Variants in NRXN1 observed in about 807,000 individuals in gnomAD.
The protein encoded by NRXN1 is neurexin 1.
A neutral mutation model predicts 150.9 loss-of-function variants in NRXN1; 39 were observed. The observed-to-expected ratio is 0.26, with a 90% CI of 0.20 to 0.34. The LOEUF is 0.34. Ranked by LOEUF, NRXN1 falls within the 10% of genes least tolerant of loss-of-function variation. The probability of loss-of-function intolerance (pLI) is 1.00; values close to 1 mark genes in which losing one functional copy is unlikely to be tolerated. For synonymous variants in NRXN1, 924 were observed against 757.0 expected (o/e 1.22, Z -3.62); for missense variants, 1,815 against 1,949.9 (o/e 0.93, Z 1.30).
At chr2:50,746,968 C>T (rs1700097610) in intron 5 of NRXN1, among the ~76,000 whole-genome samples, 1 of 152,074 alleles carries the variant, frequency 6.6e-6, no homozygotes, top group African/African-American at 2.4e-5. Flanking sequence ...TTCAATGTGT[C>T]TGAAGACTGC....
At chr2:49,944,002 C>T (rs550343981) in intron 21 of NRXN1, among the ~76,000 whole-genome samples, 21 of 152,180 alleles carry the variant, frequency 1.4e-4, no homozygotes, top group Non-Finnish European at 1.8e-4. Flanking sequence ...TACATGAGGA[C>T]GCAGAAATGG....
intron 2 of NRXN1, among the ~76,000 whole-genome samples, chr2:50,998,969 G>C (rs534731191): frequency 8.5e-5 from 13 of 152,076 alleles, no homozygotes; most frequent in Admixed American, 6.6e-4. Context: ...TGTTTGAACT[G>C]CCAATTATAG....
chr2:50,094,803 A>T (rs999634960), intron 18 of NRXN1, among the ~76,000 whole-genome samples: 1 of 152,138 alleles, frequency 6.6e-6, no homozygotes, highest in Non-Finnish European at 1.5e-5. Context: ...GCAGTGATAG[A>T]TGACCAGATG....
intron 21 of NRXN1, among the ~76,000 whole-genome samples, chr2:50,037,745 T>C (rs1690264302): frequency 6.6e-6 from 1 of 152,166 alleles, no homozygotes; most frequent in Non-Finnish European, 1.5e-5. Flanking sequence ...CTAAACTTTG[T>C]CAAACTGGGA....
At chr2:50,414,770 A>G (rs1572885354) in intron 17 of NRXN1, among the ~76,000 whole-genome samples, 1 of 152,234 alleles carries the variant, frequency 6.6e-6, no homozygotes, top group African/African-American at 2.4e-5. Context: ...TTAAAAGTAC[A>G]TTTTGAATTT....
In NRXN1 at chr2:49,920,858, A is replaced by T. The variant is rs1668074876; in HGVS notation, c.*1086T>A. The stretch of plus-strand genomic sequence containing the variant: ...CCTTTCATACAAGTACTAAAACTTA[A>T]TTGCAACAGAATGAAGGCTGTACAT... On this transcript the variant is annotated 3_prime_UTR_variant, in exon 23 of 23. Coordinates refer to ENST00000401669, the MANE Select transcript of NRXN1 (RefSeq NM_001330078.2). The T allele has an allele frequency of 6.6e-6, 1 of 152,580 alleles. No homozygotes were observed. The allele number at this position is 152,580 out of a possible 1,614,324, so 9.5% of individuals were successfully genotyped here.
At chr2:50,396,290 T>A (rs1335638375) in intron 17 of NRXN1, among the ~76,000 whole-genome samples, 1 of 152,200 alleles carries the variant, frequency 6.6e-6, no homozygotes, top group Non-Finnish European at 1.5e-5. Context: ...TTATTTAGAC[T>A]TCATTATTGT....
Position 50,277,566 on chromosome 2 carries a change from C to A in NRXN1, c.3365-40596G>T, listed in dbSNP as rs376848744. ...TCTCTCTCCCTCTTTCTCTTTCTTT[C>A]TTTCTTAGCCAGGAGATTTTAAGGA... On this transcript the variant is annotated intron_variant, in intron 17 of 22. Transcript: ENST00000401669. 4.8e-4 allele frequency among the ~76,000 whole-genome samples: 72 copies of A among 149,208 alleles called. 1 individual carries two copies. The highest frequency in any genetic ancestry group is 1.8e-3 in the African/African-American group (71 of 40,526).
At chr2:50,509,058 C>T (rs569542580) in intron 12 of NRXN1, among the ~76,000 whole-genome samples, 1 of 152,216 alleles carries the variant, frequency 6.6e-6, no homozygotes, top group South Asian at 2.1e-4. Context: ...TGTCTTGCTT[C>T]ACCTTTACAT....
chr2:50,047,052 A>G (rs1000832419), intron 21 of NRXN1, among the ~76,000 whole-genome samples: 2 of 152,176 alleles, frequency 1.3e-5, no homozygotes, highest in African/African-American at 4.8e-5. Context: ...AGGGAACAAT[A>G]TGACTGTATT....
chr2:50,306,980 TGA>T (rs1305281468), intron 17 of NRXN1, among the ~76,000 whole-genome samples: 3 of 152,054 alleles, frequency 2.0e-5, no homozygotes, highest in Non-Finnish European at 2.9e-5. Flanking sequence ...CATTTTTTTG[TGA>T]GTTTTGTTTT....
At chr2:50,755,737 A>G (rs1167782563) in intron 5 of NRXN1, among the ~76,000 whole-genome samples, 1 of 151,872 alleles carries the variant, frequency 6.6e-6, no homozygotes, top group Non-Finnish European at 1.5e-5. Context: ...ATTTAAACTA[A>G]CAATAAGAAC....
At chr2:50,994,600 A>C (rs1458561517) in intron 2 of NRXN1, among the ~76,000 whole-genome samples, 1 of 152,004 alleles carries the variant, frequency 6.6e-6, no homozygotes, top group Admixed American at 6.6e-5. Flanking sequence ...TTCCATAAGG[A>C]GAATTTCTAA....
chr2:50,959,597 G>A (rs1320677200), intron 2 of NRXN1, among the ~76,000 whole-genome samples: 2 of 152,032 alleles, frequency 1.3e-5, no homozygotes, highest in Non-Finnish European at 2.9e-5. Context: ...TGGGGACAGT[G>A]AAGAATGGGA....
intron 18 of NRXN1, among the ~76,000 whole-genome samples, chr2:50,227,145 A>C (rs1298119174): frequency 2.1e-5 from 3 of 145,610 alleles, no homozygotes; most frequent in Non-Finnish European, 1.5e-5. Flanking sequence ...AAAAAATGCA[A>C]GAGTACACAA....
chr2:50,729,342 T>G lies in NRXN1; in HGVS notation c.833-105727A>C, dbSNP rs532247014. ...TTTTTCTCATTTGATCCACAGAGCA[T>G]TTTAGTTTGGGTAAAATAATTATGC... On this transcript the variant is annotated intron_variant, in intron 5 of 22. Coordinates refer to ENST00000401669, the MANE Select transcript of NRXN1 (RefSeq NM_001330078.2). Among the ~76,000 whole-genome samples, 248 of 152,298 alleles carry G rather than the reference T, an allele frequency of 1.6e-3. 2 individuals are homozygous for G. The highest frequency in any genetic ancestry group is 5.8e-3 in the African/African-American group (241 of 41,572).
intron 17 of NRXN1, among the ~76,000 whole-genome samples, chr2:50,298,995 A>T (rs2073900854): frequency 6.6e-6 from 1 of 152,148 alleles, no homozygotes; most frequent in Non-Finnish European, 1.5e-5. Context: ...TTCAAAAGAT[A>T]TTGGCATAAT....
chr2:50,683,429 G>A (rs1690711586), intron 5 of NRXN1, among the ~76,000 whole-genome samples: 1 of 149,596 alleles, frequency 6.7e-6, no homozygotes, highest in Non-Finnish European at 1.5e-5. Flanking sequence ...TCAGGAGATC[G>A]AGACCATCCT....
chr2:49,935,995 AT>A (rs1455755733), intron 22 of NRXN1, among the ~76,000 whole-genome samples: 17 of 152,300 alleles, frequency 1.1e-4, no homozygotes, highest in African/African-American at 4.1e-4. Context: ...AGGCTATTAT[AT>A]TTTAGCATCT....
Sources: gnomAD v4.1 joint callset for allele counts (sites outside exome capture counted in the v4.1 genomes callset) on GRCh38, gnomAD v4.1.1 for gene constraint, MANE v1.5 for transcripts, NCBI Gene and HGNC (gene_info 2026-07-23, HGNC 2026-07-21) for gene names.